The following CLSTN2 variants were observed in gnomAD, a reference collection of about 807,000 sequenced individuals.
The protein encoded by CLSTN2 is calsyntenin-2.
CLSTN2 carries 48 observed loss-of-function variants against 101.2 expected under a neutral mutation model. The ratio of observed to expected loss-of-function variants is 0.47; its 90% CI spans 0.38 to 0.60. The LOEUF is 0.60. Among genes scored for constraint, CLSTN2 ranks in the 20% least tolerant of loss-of-function variants. The pLI, the probability that CLSTN2 is intolerant of heterozygous loss-of-function variation, is 0.00. For missense variants in CLSTN2, 1,160 were observed against 1,238.2 expected, an observed-to-expected ratio of 0.94 and a Z score of 0.95; for synonymous variants, 481 against 463.6, an observed-to-expected ratio of 1.04 and a Z score of -0.48.
rs549995161 is a variant in CLSTN2 at position 140,551,476 on chromosome 3, T to C, written c.1674+4795T>C. Among the ~76,000 whole-genome samples the C allele has an allele frequency of 3.9e-3, 586 of 152,092 alleles. 1 individual carries two copies. Among genetic ancestry groups the C allele is most frequent in the African/African-American group, 0.013 (548 of 41,502 alleles). ...GAGTAATACCCTGTTCTGATTTTCATAGCACAATCCCTGCCAATTTTTCAT... is the reference window on the plus strand; with the variant it reads ...GAGTAATACCCTGTTCTGATTTTCACAGCACAATCCCTGCCAATTTTTCAT... On this transcript the variant is annotated intron_variant, in intron 10 of 16. Coordinates refer to ENST00000458420, the MANE Select transcript of CLSTN2 (RefSeq NM_022131.3).
At chr3:140,150,696 A>G (rs2009850648) in intron 1 of CLSTN2, among the ~76,000 whole-genome samples, 1 of 152,162 alleles carries the variant, frequency 6.6e-6, no homozygotes, top group Non-Finnish European at 1.5e-5. Context: ...TGAGGCTGCC[A>G]TTGGGCTGTA....
intron 1 of CLSTN2, among the ~76,000 whole-genome samples, chr3:140,046,259 A>G (rs1203509263): frequency 6.6e-6 from 1 of 152,112 alleles, no homozygotes; most frequent in African/African-American, 2.4e-5. Context: ...TCCCTTTACC[A>G]TTATGTAATG....
intron 2 of CLSTN2, among the ~76,000 whole-genome samples, chr3:140,334,599 A>C (rs2087422522): frequency 6.6e-6 from 1 of 152,254 alleles, no homozygotes; most frequent in Non-Finnish European, 1.5e-5. Context: ...GAGGCCCATC[A>C]ACAAAAATAA....
intron 2 of CLSTN2, among the ~76,000 whole-genome samples, chr3:140,354,843 G>A (rs187610313): frequency 4.6e-5 from 7 of 152,306 alleles, no homozygotes; most frequent in East Asian, 1.9e-4. Context: ...CGAAGTTGCC[G>A]GGTCAACATT....
At chr3:140,404,532 C>T in intron 3 of CLSTN2, 26 bp from the exon 4 acceptor site, 1 of 1,608,568 alleles carries the variant, frequency 6.2e-7, no homozygotes, top group South Asian at 1.1e-5. Flanking sequence ...TTACCACCAT[C>T]CCTTCCTTTC....
intron 1 of CLSTN2, among the ~76,000 whole-genome samples, chr3:139,938,496 C>T (rs929650255): frequency 2.4e-4 from 37 of 152,152 alleles, no homozygotes; most frequent in African/African-American, 8.9e-4. Flanking sequence ...CACACAGTGG[C>T]CAGGCAATTA....
chr3:140,248,422 G>C (rs894930347), intron 2 of CLSTN2, among the ~76,000 whole-genome samples: 1 of 152,182 alleles, frequency 6.6e-6, no homozygotes, highest in Non-Finnish European at 1.5e-5. Flanking sequence ...CAGCACTAGA[G>C]GAGGCTAAGG....
intron 2 of CLSTN2, among the ~76,000 whole-genome samples, chr3:140,323,277 T>G (rs898560954): frequency 3.3e-5 from 5 of 152,204 alleles, no homozygotes; most frequent in Non-Finnish European, 7.3e-5. Flanking sequence ...GAACTTGGAT[T>G]CTAGTTCAGC....
chr3:140,293,732 G>C (rs1212257039), intron 2 of CLSTN2, among the ~76,000 whole-genome samples: 1 of 152,156 alleles, frequency 6.6e-6, no homozygotes, highest in Non-Finnish European at 1.5e-5. Context: ...GAGTGATGCT[G>C]AGGCACCCTG....
chr3:140,367,689 G>A (rs1030823470), intron 2 of CLSTN2, among the ~76,000 whole-genome samples: 7 of 152,186 alleles, frequency 4.6e-5, no homozygotes, highest in Non-Finnish European at 7.3e-5. Flanking sequence ...GGGCTCCACA[G>A]CATTTTTAAT....
At chr3:139,966,547 CA>C (rs1212181464) in intron 1 of CLSTN2, among the ~76,000 whole-genome samples, 1 of 152,166 alleles carries the variant, frequency 6.6e-6, no homozygotes, top group Non-Finnish European at 1.5e-5. Flanking sequence ...AGACTCAGCT[CA>C]GGCCTCACCC....
intron 1 of CLSTN2, among the ~76,000 whole-genome samples, chr3:140,165,175 T>C (rs2010115660): frequency 6.6e-6 from 1 of 152,216 alleles, no homozygotes; most frequent in African/African-American, 2.4e-5. Flanking sequence ...ACTCTCTAAT[T>C]GGTACCTCTA....
At chr3:140,175,916 A>T in intron 1 of CLSTN2, 35 bp from the exon 2 acceptor site, 1 of 1,594,888 alleles carries the variant, frequency 6.3e-7, no homozygotes, top group East Asian at 2.2e-5. Flanking sequence ...TATTTAAATA[A>T]TGATCCTTTT....
At chr3:140,458,922 T>G in intron 6 of CLSTN2, among the ~76,000 whole-genome samples, 1 of 152,238 alleles carries the variant, frequency 6.6e-6, no homozygotes, top group Non-Finnish European at 1.5e-5. Context: ...ACCTGTGTTC[T>G]CAACCACTGC....
chr3:140,405,707 A>G (rs1404947893), intron 4 of CLSTN2, among the ~76,000 whole-genome samples: 2 of 152,228 alleles, frequency 1.3e-5, no homozygotes, highest in African/African-American at 4.8e-5. Flanking sequence ...TCATTGTAGT[A>G]TAAACGCCAC....
chr3:140,096,745 T>C (rs1250237223), intron 1 of CLSTN2, among the ~76,000 whole-genome samples: 1 of 152,142 alleles, frequency 6.6e-6, no homozygotes, highest in Non-Finnish European at 1.5e-5. Context: ...TGATTCAGAG[T>C]TGATCTTATT....
intron 1 of CLSTN2, among the ~76,000 whole-genome samples, chr3:140,121,355 C>A (rs1289510911): frequency 6.6e-6 from 1 of 152,100 alleles, no homozygotes; most frequent in East Asian, 1.9e-4. Flanking sequence ...TCTAGATGGT[C>A]AAATTCAACC....
chr3:139,970,975 G>T (rs141683972), intron 1 of CLSTN2, among the ~76,000 whole-genome samples: 10 of 152,288 alleles, frequency 6.6e-5, no homozygotes, highest in African/African-American at 2.2e-4. Flanking sequence ...ACTGGGGTAG[G>T]CAACATTGCT....
intron 1 of CLSTN2, among the ~76,000 whole-genome samples, chr3:140,090,008 T>A: frequency 8.7e-6 from 1 of 114,432 alleles, no homozygotes; most frequent in East Asian, 2.7e-4. Flanking sequence ...TTTAACAGAC[T>A]GAGTATATAT....
Sources: allele counts gnomAD v4.1 joint callset (sites outside exome capture counted in the v4.1 genomes callset), GRCh38; gene constraint gnomAD v4.1.1; transcripts MANE v1.5; gene names NCBI Gene and HGNC (gene_info 2026-07-23, HGNC 2026-07-21).